NTNG1: variants seen among roughly 807,000 people sequenced by gnomAD.
The protein encoded by NTNG1 is netrin G1, also known as netrin-G1.
NTNG1 carries 16 observed loss-of-function variants against 54.0 expected under a neutral mutation model. That is an observed-to-expected ratio of 0.30 (90% CI 0.20 to 0.45). The LOEUF (loss-of-function observed/expected upper bound fraction) is 0.45. NTNG1 is among the 20% of genes least tolerant of loss of function. The pLI, the probability that NTNG1 is intolerant of heterozygous loss-of-function variation, is 1.00. For synonymous variants in NTNG1, 255 were observed against 263.1 expected (o/e 0.97, Z 0.30); for missense variants, 530 against 678.7 (o/e 0.78, Z 2.43).
chr1:107,274,151 G>A (rs937673442), intron 2 of NTNG1, among the ~76,000 whole-genome samples: 1 of 152,330 alleles, frequency 6.6e-6, no homozygotes, highest in Non-Finnish European at 1.5e-5. Flanking sequence ...GGGAATTAGG[G>A]AGTAACTTTC....
At chr1:107,325,035 A>G in intron 3 of NTNG1, 113 bp downstream of exon 3, 1 of 1,089,772 alleles carries the variant, frequency 9.2e-7, no homozygotes, top group Non-Finnish European at 1.3e-6. Context: ...CGTTTTCTTC[A>G]GGAACTCCAC....
chr1:107,272,192 GAAT>G (rs1309449239), intron 2 of NTNG1, among the ~76,000 whole-genome samples: 1 of 151,936 alleles, frequency 6.6e-6, no homozygotes, highest in African/African-American at 2.4e-5. Context: ...TCTAGATTTT[GAAT>G]AATAATAATA....
chr1:107,395,178 T>C lies in NTNG1; in HGVS notation c.912T>C (p.Thr304=). 1 of 1,613,384 alleles carries C rather than the reference T, an allele frequency of 6.2e-7. No individual in the cohort carries two copies. Among genetic ancestry groups the C allele is most frequent in the South Asian group, 1.1e-5 (1 of 91,036 alleles). Residue 304 remains threonine, a synonymous_variant, in exon 4 of 8, where the codon ACT becomes ACC. Transcript: ENST00000370068. The stretch of plus-strand genomic sequence containing the variant: ...GGTGCAAGTGTAATCTCCATGCCAC[T>C]GTATGTGTGTATGACAACAGCAAAT... ...RGRCKCNLHA[T]VCVYDNSKLT...
rs1201089308 is a variant in NTNG1, at chr1:107,436,762, G to C, written c.1353G>C (p.Glu451Asp). Reference protein sequence around the residue: ...KTGTTGPKCDECLPGNSWHYG... With the variant: ...KTGTTGPKCDDCLPGNSWHYG... The stretch of plus-strand genomic sequence containing the variant: ...GAACAACAGGGCCTAAGTGTGATGA[G>C]TGTCTGCCGGGAAATTCCTGGCACT... Residue 451 changes from glutamate (E) to aspartate (D), a missense_variant, in exon 7 of 8, where the codon GAG becomes GAC. This residue lies in a region of NTNG1 where 212 missense variants were observed against 213.6 expected (regional missense o/e 0.99). Transcript: ENST00000370068. The C allele has an allele frequency of 6.2e-7, 1 of 1,613,524 alleles. No individual in the cohort carries two copies.
At position 107,290,891 on chromosome 1, in the gene NTNG1, G is replaced by A. The variant is rs915857503; in HGVS notation, c.247-33391G>A. ...AATAAAAAAAGGAAAGACCAGATGG[G>A]TTACTCAATGAATTAGATTGTTTAA... On this transcript the variant is annotated intron_variant, in intron 2 of 7. Coordinates refer to ENST00000370068, the MANE Select transcript of NTNG1 (RefSeq NM_001113226.3). Among the ~76,000 whole-genome samples, 4 of 149,880 alleles carry A rather than the reference G, an allele frequency of 2.7e-5. No homozygotes were observed. The Admixed American group carries it at 2.7e-4, about 10-fold the overall frequency.
rs183765038 is a variant in NTNG1, at chr1:107,467,614, C to A, written c.1391-12997C>A. Reference sequence around the variant, plus strand: ...TGAAATCCAGACTTCTGGACACCACCACAGTAAATGATCAAGTACTAAACT... The same window carrying A: ...TGAAATCCAGACTTCTGGACACCACAACAGTAAATGATCAAGTACTAAACT... On this transcript the variant is annotated intron_variant, in intron 7 of 7. Coordinates refer to ENST00000370068, the MANE Select transcript of NTNG1 (RefSeq NM_001113226.3). 3.3e-5 allele frequency among the ~76,000 whole-genome samples: 5 copies of A among 152,296 alleles called. No individual in the cohort carries two copies. The East Asian group carries it at 7.7e-4, about 23-fold the overall frequency.
chr1:107,473,093 A>G (rs1040106219), intron 7 of NTNG1, among the ~76,000 whole-genome samples: 57 of 152,184 alleles, frequency 3.7e-4, no homozygotes, highest in African/African-American at 1.3e-3. Flanking sequence ...TCTCTCAGCA[A>G]TCCTGGGCTT....
intron 2 of NTNG1, among the ~76,000 whole-genome samples, chr1:107,275,503 A>C (rs1256164324): frequency 6.6e-6 from 1 of 152,228 alleles, no homozygotes; most frequent in African/African-American, 2.4e-5. Context: ...CAGGAGAGGC[A>C]ATGTGTAGCT....
At chr1:107,397,144 G>A (rs983107775) in intron 4 of NTNG1, among the ~76,000 whole-genome samples, 12 of 152,118 alleles carry the variant, frequency 7.9e-5, no homozygotes, top group Non-Finnish European at 1.5e-4. Context: ...AGTTTTCCTT[G>A]TAGGTCCAAT....
chr1:107,194,415 C>T (rs921754889), intron 2 of NTNG1, among the ~76,000 whole-genome samples: 1 of 152,016 alleles, frequency 6.6e-6, no homozygotes, highest in Admixed American at 6.6e-5. Flanking sequence ...TCACATCAGT[C>T]TCCTCTTTTC....
chr1:107,239,423 C>G (rs1661662012), intron 2 of NTNG1, among the ~76,000 whole-genome samples: 1 of 152,172 alleles, frequency 6.6e-6, no homozygotes, highest in African/African-American at 2.4e-5. Flanking sequence ...ATCTGAAGTA[C>G]TCCACATTGT....
At chr1:107,469,175 C>T (rs1323642962) in intron 7 of NTNG1, among the ~76,000 whole-genome samples, 1 of 151,518 alleles carries the variant, frequency 6.6e-6, no homozygotes, top group East Asian at 1.9e-4. Context: ...TGCTTCTCCT[C>T]TCTTCCATCT....
At chr1:107,476,123 C>T (rs989811657) in intron 7 of NTNG1, among the ~76,000 whole-genome samples, 2 of 152,142 alleles carry the variant, frequency 1.3e-5, no homozygotes, top group African/African-American at 2.4e-5. Context: ...TCCAGTTTGT[C>T]GATTCATAGA....
chr1:107,436,030 A>C (rs940062338), intron 6 of NTNG1, among the ~76,000 whole-genome samples: 2 of 152,136 alleles, frequency 1.3e-5, no homozygotes, highest in Non-Finnish European at 2.9e-5. Flanking sequence ...TTAAATTATA[A>C]CTATGTTGAA....
Position 107,148,871 on chromosome 1 carries a change from T to C in NTNG1, c.246+32T>C, listed in dbSNP as rs754396592. 3.7e-6 allele frequency: 6 copies of C among 1,602,402 alleles called. No individual in the cohort carries two copies. The South Asian group carries it at 5.5e-5, about 15-fold the overall frequency. ...TAACCCTTTTGCATAAAATATTTCATATAAATAGGGTCTAATCGCATATGC... is the reference window on the plus strand; with the variant it reads ...TAACCCTTTTGCATAAAATATTTCACATAAATAGGGTCTAATCGCATATGC... On this transcript the variant is annotated intron_variant, in intron 2 of 7. Transcript: ENST00000370068.
At chr1:107,179,259 T>C (rs1656888301) in intron 2 of NTNG1, among the ~76,000 whole-genome samples, 1 of 152,212 alleles carries the variant, frequency 6.6e-6, no homozygotes, top group Non-Finnish European at 1.5e-5. Context: ...TGGAACTTGG[T>C]GGATCTACCC....
At chr1:107,157,375 T>C (rs548656171) in intron 2 of NTNG1, among the ~76,000 whole-genome samples, 2 of 152,324 alleles carry the variant, frequency 1.3e-5, no homozygotes, top group African/African-American at 4.8e-5. Context: ...TTGATTGGTG[T>C]TGTCAAATTG....
chr1:107,332,997 G>GA (rs911584991), intron 3 of NTNG1, among the ~76,000 whole-genome samples: 7 of 151,776 alleles, frequency 4.6e-5, no homozygotes, highest in South Asian at 2.1e-4. Flanking sequence ...GAAAAACATT[G>GA]AAAAAAATGG....
intron 1 of NTNG1, among the ~76,000 whole-genome samples, chr1:107,144,750 A>G (rs1331132139): frequency 6.6e-6 from 1 of 152,056 alleles, no homozygotes; most frequent in Non-Finnish European, 1.5e-5. Context: ...CTTGAGGGCC[A>G]TGACTTAATT....
Sources: allele counts gnomAD v4.1 joint callset (sites outside exome capture counted in the v4.1 genomes callset), GRCh38; gene constraint gnomAD v4.1.1; regional missense constraint gnomAD v4.1.1; transcripts MANE v1.5; gene names NCBI Gene and HGNC (gene_info 2026-07-23, HGNC 2026-07-21).